WDPCP: variants seen among roughly 807,000 people sequenced by gnomAD.
The protein encoded by WDPCP is WD repeat containing planar cell polarity effector, also known as WD repeat-containing and planar cell polarity effector protein fritz homolog.
WDPCP carries 71 observed loss-of-function variants against 93.1 expected under a neutral mutation model. The ratio of observed to expected loss-of-function variants is 0.76; its 90% CI spans 0.63 to 0.93. The LOEUF (loss-of-function observed/expected upper bound fraction) is 0.93. Ranked by LOEUF, WDPCP falls within the 40% of genes least tolerant of loss-of-function variation. WDPCP has a pLI of 0.00. For missense variants in WDPCP, 844 were observed against 887.4 expected (o/e 0.95, Z 0.62); for synonymous variants, 315 against 315.0 (o/e 1.00, Z 0.00).
intron 6 of WDPCP, among the ~76,000 whole-genome samples, chr2:63,481,659 T>C (rs761842312): frequency 2.0e-5 from 3 of 151,960 alleles, no homozygotes; most frequent in Non-Finnish European, 4.4e-5. Context: ...CCAGACACTG[T>C]ATATTCTCAC....
At chr2:63,811,081 G>A (rs1670855173) in intron 2 of WDPCP, among the ~76,000 whole-genome samples, 1 of 152,170 alleles carries the variant, frequency 6.6e-6, no homozygotes, top group South Asian at 2.1e-4. Context: ...TTTGTTGGCA[G>A]AAACCAGGCT....
intron 1 of WDPCP, among the ~76,000 whole-genome samples, chr2:63,824,305 A>G (rs1337640143): frequency 6.6e-6 from 1 of 151,958 alleles, no homozygotes; most frequent in Non-Finnish European, 1.5e-5. Context: ...GAATCAATTA[A>G]ACTTCTTTTC....
At chr2:63,503,394 C>T (rs1325021795) in intron 1 of WDPCP, among the ~76,000 whole-genome samples, 3 of 151,978 alleles carry the variant, frequency 2.0e-5, no homozygotes, top group South Asian at 4.2e-4. Flanking sequence ...TTCCATTATC[C>T]CAAAGAGACT....
chr2:63,622,453 G>T, intron 3 of WDPCP: 1 of 1,613,930 alleles, frequency 6.2e-7, no homozygotes, highest in South Asian at 1.1e-5. Flanking sequence ...GCTTCCCGGC[G>T]GATTTCAGTC....
intron 12 of WDPCP, among the ~76,000 whole-genome samples, chr2:63,361,469 T>G (rs1236101680): frequency 1.3e-5 from 2 of 152,180 alleles, no homozygotes; most frequent in African/African-American, 4.8e-5. Context: ...GCAAGGCATA[T>G]AGTAAACAAG....
At chr2:63,616,340 A>G (rs1171015167) in intron 3 of WDPCP, among the ~76,000 whole-genome samples, 1 of 152,166 alleles carries the variant, frequency 6.6e-6, no homozygotes, top group East Asian at 1.9e-4. Flanking sequence ...GTTTTAGGAA[A>G]GAAAAGGTCT....
chr2:63,398,757 C>G (rs1224942014), intron 10 of WDPCP, among the ~76,000 whole-genome samples: 1 of 133,464 alleles, frequency 7.5e-6, no homozygotes, highest in Non-Finnish European at 1.6e-5. Flanking sequence ...GCTTGCATAA[C>G]AAGCATCTGA....
At chr2:63,744,179 C>T (rs1453458939) in intron 2 of WDPCP, among the ~76,000 whole-genome samples, 1 of 152,082 alleles carries the variant, frequency 6.6e-6, no homozygotes, top group African/African-American at 2.4e-5. Context: ...AGCTGCATTG[C>T]ACTTTTTCTC....
intron 1 of WDPCP, among the ~76,000 whole-genome samples, chr2:63,585,329 C>G (rs1321774995): frequency 6.6e-6 from 1 of 152,106 alleles, no homozygotes; most frequent in Non-Finnish European, 1.5e-5. Context: ...TCCTGCATGT[C>G]ACTTAAGCCA....
chr2:63,430,138 A>T (rs1234560717), intron 9 of WDPCP, among the ~76,000 whole-genome samples: 1 of 152,170 alleles, frequency 6.6e-6, no homozygotes, highest in African/African-American at 2.4e-5. Flanking sequence ...TAAATACAAC[A>T]GTTCTCTCTT....
At chr2:63,639,268 A>G (rs1709954548) in intron 3 of WDPCP, among the ~76,000 whole-genome samples, 1 of 152,166 alleles carries the variant, frequency 6.6e-6, no homozygotes, top group Admixed American at 6.5e-5. Context: ...TCAGCCTTTC[A>G]AGTAGCTAAG....
intron 14 of WDPCP, among the ~76,000 whole-genome samples, chr2:63,201,675 T>TG (rs1675923233): frequency 1.3e-5 from 2 of 152,164 alleles, no homozygotes; most frequent in African/African-American, 4.8e-5. Flanking sequence ...ACTATTATTG[T>TG]GGGGGGAGCA....
At chr2:63,343,256 C>A (rs769249603) in intron 12 of WDPCP, among the ~76,000 whole-genome samples, 6 of 151,962 alleles carry the variant, frequency 3.9e-5, no homozygotes, top group Non-Finnish European at 2.9e-5. Flanking sequence ...GATCTGCCCA[C>A]CTCGGCCTCC....
intron 10 of WDPCP, among the ~76,000 whole-genome samples, chr2:63,388,816 T>G (rs2104985873): frequency 6.6e-6 from 1 of 152,096 alleles, no homozygotes; most frequent in Non-Finnish European, 1.5e-5. Context: ...AAGATTAAAT[T>G]AATGAAATAA....
At chr2:63,663,189 T>G (rs912569079) in intron 2 of WDPCP, among the ~76,000 whole-genome samples, 1 of 152,232 alleles carries the variant, frequency 6.6e-6, no homozygotes, top group African/African-American at 2.4e-5. Flanking sequence ...GCTAACCATT[T>G]TAACTACTAA....
At chr2:63,834,936 A>G in the WDPCP span, among the ~76,000 whole-genome samples, 1 of 152,284 alleles carries the variant, frequency 6.6e-6, no homozygotes, top group Admixed American at 6.5e-5. Context: ...CCAACAATGC[A>G]TGCATGTTTT....
At chr2:63,574,808 C>T (rs1707798742) in intron 1 of WDPCP, among the ~76,000 whole-genome samples, 1 of 152,072 alleles carries the variant, frequency 6.6e-6, no homozygotes, top group African/African-American at 2.4e-5. Context: ...TTGTAGAAAA[C>T]TGATAATAAT....
chr2:63,308,955 G>A (rs1187969719), intron 13 of WDPCP, among the ~76,000 whole-genome samples: 1 of 152,138 alleles, frequency 6.6e-6, no homozygotes, highest in Non-Finnish European at 1.5e-5. Context: ...ATGACATCAT[G>A]TCCTTTGCAG....
chr2:63,285,661 G>T (rs1476155727), intron 13 of WDPCP, among the ~76,000 whole-genome samples: 1 of 152,198 alleles, frequency 6.6e-6, no homozygotes, highest in African/African-American at 2.4e-5. Context: ...TATTATTGGG[G>T]GAAAAAGCCA....
Sources: allele counts gnomAD v4.1 joint callset (sites outside exome capture counted in the v4.1 genomes callset), GRCh38; gene constraint gnomAD v4.1.1; transcripts MANE v1.5; gene names NCBI Gene and HGNC (gene_info 2026-07-23, HGNC 2026-07-21).